MECOM: variants seen among roughly 807,000 people sequenced by gnomAD.
MECOM encodes histone-lysine N-methyltransferase MECOM.
A neutral mutation model predicts 116.3 loss-of-function variants in MECOM; 13 were observed. The observed-to-expected ratio is 0.11, with a 90% CI of 0.07 to 0.18. The LOEUF is 0.18. Among genes scored for constraint, MECOM ranks in the 10% least tolerant of loss-of-function variants. The pLI is 1.00. For synonymous variants in MECOM, 528 were observed against 535.2 expected (o/e 0.99, Z 0.19); for missense variants, 1,299 against 1,509.0 (o/e 0.86, Z 2.31).
At chr3:169,378,114 T>C (rs372721515) in intron 2 of MECOM, among the ~76,000 whole-genome samples, 2 of 150,250 alleles carry the variant, frequency 1.3e-5, no homozygotes, top group African/African-American at 2.5e-5. Context: ...TAAGTGGGAG[T>C]TGAACAATGA....
chr3:169,654,593 C>G (rs1331429484), intron 1 of MECOM, among the ~76,000 whole-genome samples: 2 of 152,088 alleles, frequency 1.3e-5, no homozygotes, highest in East Asian at 1.9e-4. Flanking sequence ...ACTGCCCAAC[C>G]CCCAGCCCAC....
intron 1 of MECOM, among the ~76,000 whole-genome samples, chr3:169,485,380 C>A (rs763000893): frequency 1.3e-5 from 2 of 152,152 alleles, no homozygotes; most frequent in African/African-American, 4.8e-5. Flanking sequence ...ATTAACCAAT[C>A]ACTTTGTAGT....
chr3:169,563,465 G>C (rs1762885685), intron 1 of MECOM, among the ~76,000 whole-genome samples: 2 of 152,232 alleles, frequency 1.3e-5, no homozygotes, highest in South Asian at 4.1e-4. Flanking sequence ...AACATCTTTT[G>C]TGAACAAATA....
intron 2 of MECOM, among the ~76,000 whole-genome samples, chr3:169,223,972 G>A (rs771855106): frequency 7.2e-5 from 11 of 152,042 alleles, no homozygotes; most frequent in Admixed American, 1.3e-4. Flanking sequence ...AACCCCAAAA[G>A]CTCTTCACAA....
intron 2 of MECOM, among the ~76,000 whole-genome samples, chr3:169,259,809 G>T (rs986675124): frequency 6.6e-6 from 1 of 152,250 alleles, no homozygotes; most frequent in Non-Finnish European, 1.5e-5. Context: ...AACGAAGAAT[G>T]TGTTTGCTGA....
chr3:169,197,140 A>G (rs997958655), intron 2 of MECOM, among the ~76,000 whole-genome samples: 16 of 151,724 alleles, frequency 1.1e-4, no homozygotes, highest in African/African-American at 3.6e-4. Flanking sequence ...AAAGAAGCGA[A>G]CTATAGACAC....
At chr3:169,155,118 GAATA>G (rs1257599989) in intron 2 of MECOM, among the ~76,000 whole-genome samples, 1 of 152,136 alleles carries the variant, frequency 6.6e-6, no homozygotes. Context: ...CTTTTTGTAA[GAATA>G]AATTAATTAT....
intron 2 of MECOM, among the ~76,000 whole-genome samples, chr3:169,209,294 G>C (rs1322480998): frequency 6.6e-6 from 1 of 152,134 alleles, no homozygotes; most frequent in East Asian, 1.9e-4. Context: ...CATAGGCATG[G>C]GCAAAGACTT....
chr3:169,381,346 A>G lies in MECOM; in HGVS notation c.216T>C (p.Asp72=), dbSNP rs1407978130. The G allele has an allele frequency of 1.9e-6, 3 of 1,613,916 alleles. No individual in the cohort carries two copies. Among genetic ancestry groups the G allele is most frequent in the Non-Finnish European group, 2.5e-6 (3 of 1,179,832 alleles). ...SPYKAPIYIP[D]DIPIPAEFEL... ...CAAACTCAGCAGGAATGGGGATATC[A>G]TCAGGGATGTAGATGGGGGCTTTGT... is the stretch of plus-strand genomic sequence containing the variant. Residue 72 remains aspartate (D), a synonymous_variant, in exon 2 of 17, where the codon GAT becomes GAC. Transcript: ENST00000651503.
chr3:169,159,861 TG>T (rs1215403889), intron 2 of MECOM, among the ~76,000 whole-genome samples: 3 of 152,172 alleles, frequency 2.0e-5, no homozygotes, highest in African/African-American at 7.2e-5. Context: ...CTTTGTAAAA[TG>T]AGTATAATGA....
chr3:169,146,314 G>T, intron 2 of MECOM: 1 of 1,272,096 alleles, frequency 7.9e-7, no homozygotes, highest in Non-Finnish European at 1.0e-6. Flanking sequence ...GGTGGAACTC[G>T]GCCGAGAGCG....
At chr3:169,162,589 G>A (rs1344483459) in intron 2 of MECOM, among the ~76,000 whole-genome samples, 2 of 152,088 alleles carry the variant, frequency 1.3e-5, no homozygotes, top group South Asian at 2.1e-4. Flanking sequence ...TATTTTCAAC[G>A]TTCATTTAAC....
chr3:169,335,810 T>A (rs1451402777), intron 2 of MECOM, among the ~76,000 whole-genome samples: 1 of 152,132 alleles, frequency 6.6e-6, no homozygotes, highest in Non-Finnish European at 1.5e-5. Context: ...ATTTGATTCA[T>A]TATTATGATT....
chr3:169,364,036 A>T (rs552114475), intron 2 of MECOM, among the ~76,000 whole-genome samples: 1 of 151,874 alleles, frequency 6.6e-6, no homozygotes, highest in Non-Finnish European at 1.5e-5. Flanking sequence ...TTTTGTCTGT[A>T]TTGCGTTTGC....
chr3:169,533,612 G>T (rs1486041706), intron 1 of MECOM, among the ~76,000 whole-genome samples: 3 of 109,710 alleles, frequency 2.7e-5, no homozygotes, highest in African/African-American at 7.1e-5. Context: ...GTCGTTGGGG[G>T]CCTGGAGTTC....
intron 1 of MECOM, among the ~76,000 whole-genome samples, chr3:169,497,612 C>T (rs1396101823): frequency 3.9e-5 from 6 of 152,150 alleles, no homozygotes; most frequent in Non-Finnish European, 8.8e-5. Flanking sequence ...CCCGCCTCGG[C>T]ATCCCAAAAT....
At chr3:169,411,940 A>G (rs1737622414) in intron 1 of MECOM, among the ~76,000 whole-genome samples, 1 of 152,114 alleles carries the variant, frequency 6.6e-6, no homozygotes, top group South Asian at 2.1e-4. Context: ...GCAGTGAGCT[A>G]AGATCAAGCC....
intron 2 of MECOM, among the ~76,000 whole-genome samples, chr3:169,335,967 G>A (rs1393912254): frequency 1.3e-5 from 2 of 152,030 alleles, no homozygotes; most frequent in Non-Finnish European, 2.9e-5. Flanking sequence ...TATTTTAGAG[G>A]AATAAGGCAA....
intron 1 of MECOM, among the ~76,000 whole-genome samples, chr3:169,510,505 C>T (rs1160473609): frequency 6.6e-6 from 1 of 152,200 alleles, no homozygotes; most frequent in Non-Finnish European, 1.5e-5. Context: ...GAACACAATG[C>T]GAGCTGACAT....
Sources: allele counts gnomAD v4.1 joint callset (sites outside exome capture counted in the v4.1 genomes callset), GRCh38; gene constraint gnomAD v4.1.1; transcripts MANE v1.5; gene names NCBI Gene and HGNC (gene_info 2026-07-23, HGNC 2026-07-21).